Variants in MICAL1 observed in about 807,000 individuals in gnomAD.
MICAL1 encodes microtubule associated monooxygenase, calponin and LIM domain containing 1.
Under a neutral mutation model 131.8 loss-of-function variants are expected in MICAL1, and 95 were observed. The ratio of observed to expected loss-of-function variants is 0.72; its 90% confidence interval spans 0.61 to 0.86. MICAL1 has a LOEUF of 0.86. Among genes scored for constraint, MICAL1 ranks in the 40% least tolerant of loss-of-function variants. MICAL1 has a pLI of 0.00. For missense variants in MICAL1, 1,292 were observed against 1,380.6 expected, an observed-to-expected ratio of 0.94 and a Z score of 1.02; for synonymous variants, 546 against 554.2, an observed-to-expected ratio of 0.99 and a Z score of 0.21.
At chr6:109,451,455 A>G in intron 7 of MICAL1, 145 bp downstream of exon 7, 1 of 944,824 alleles carries the variant, frequency 1.1e-6, no homozygotes, top group Non-Finnish European at 1.5e-6. Context: ...TGCCTGGCCA[A>G]GAGAACTTTT....
intron 12 of MICAL1, 91 bp downstream of exon 12, chr6:109,448,641 G>A: frequency 6.5e-7 from 1 of 1,541,490 alleles, no homozygotes; most frequent in Non-Finnish European, 8.9e-7. Context: ...GTCGGCAGAT[G>A]CAGGGAAGCA....
chr6:109,448,158 C>CACCT, intron 13 of MICAL1, 45 bp downstream of exon 13: 1 of 1,585,964 alleles, frequency 6.3e-7, no homozygotes, highest in East Asian at 2.2e-5. Flanking sequence ...CACACACACA[C>CACCT]ACCTCCCCAT....
rs150428246 is a variant in MICAL1 at position 109,461,568 on chromosome 6, T to C, written c.14+4096A>G. 5.3e-3 allele frequency among the ~76,000 whole-genome samples: 810 copies of C among 152,228 alleles called. 6 individuals carry two copies. The highest frequency in any genetic ancestry group is 0.019 in the African/African-American group (769 of 41,534). The stretch of plus-strand genomic sequence containing the variant: ...CAGCCTGGGCAATATAGTGAGACCC[T>C]GTCTCCACTTAAAAAAAGAAAAAAG... On this transcript the variant is annotated intron_variant, in intron 1 of 24. Transcript: ENST00000630715.
At chr6:109,460,345 GGT>G, upstream of MICAL1, among the ~76,000 whole-genome samples, 1 of 150,646 alleles carries the variant, frequency 6.6e-6, no homozygotes, top group East Asian at 1.9e-4. Flanking sequence ...TGTGGTCCCA[GGT>G]ACTCAGGAGG....
intron 4 of MICAL1, 136 bp downstream of exon 4, chr6:109,453,127 T>C: frequency 1.5e-6 from 1 of 677,310 alleles, no homozygotes; most frequent in South Asian, 1.8e-5. Flanking sequence ...GCCACTGCAC[T>C]CCAGCCTGGG....
intron 7 of MICAL1, among the ~76,000 whole-genome samples, 167 bp downstream of exon 7, chr6:109,451,432 GC>G (rs1311891375): frequency 6.6e-6 from 1 of 152,168 alleles, no homozygotes; most frequent in East Asian, 1.9e-4. Context: ...GGGATTACAG[GC>G]ATGAGCCACC....
chr6:109,461,024 T>C (rs572182410), intron 1 of MICAL1, among the ~76,000 whole-genome samples: 55 of 152,254 alleles, frequency 3.6e-4, no homozygotes, highest in African/African-American at 1.3e-3. Flanking sequence ...GTTACATAGG[T>C]ATACATGTGC....
At position 109,446,692 on chromosome 6, in the gene MICAL1, T is replaced by C. The variant is rs1251013085; in HGVS notation, c.2304+4A>G. On this transcript the variant is annotated splice_donor_region_variant and intron_variant, in intron 18 of 24. Coordinates refer to ENST00000358807, the MANE Select transcript of MICAL1 (RefSeq NM_022765.4). ...CAATATACATACACGCCTTCAGTCT[T>C]TACCGGACTCTCAGGGCCTCTATCG... 4 of 1,613,422 alleles carry C rather than the reference T, an allele frequency of 2.5e-6. No individual in the cohort carries two copies. In the Admixed American group the frequency reaches 5.0e-5, roughly 20 times the overall value.
In MICAL1 at chr6:109,444,137, T is replaced by C. The variant is rs1440056975; in HGVS notation, c.*54A>G. The stretch of plus-strand genomic sequence containing the variant: ...GCCCAGATGAACAGGGGTGGCACTG[T>C]GCTGGGGTGAGGTGCTTTCTTTGTG... On this transcript the variant is annotated 3_prime_UTR_variant, in exon 25 of 25. Coordinates refer to ENST00000358807, the MANE Select transcript of MICAL1 (RefSeq NM_022765.4). The C allele has an allele frequency of 1.9e-6, 3 of 1,591,986 alleles. No individual in the cohort carries two copies. The highest frequency in any genetic ancestry group is 4.5e-5 in the East Asian group (2 of 44,676).
In MICAL1 at chr6:109,447,452, A is replaced by G; in HGVS notation, c.1987-12T>C. 1.9e-6 allele frequency: 3 copies of G among 1,608,852 alleles called. No individual in the cohort carries two copies. The highest frequency in any genetic ancestry group is 2.5e-6 in the Non-Finnish European group (3 of 1,177,288). ...GTCTCGGCCTCCATCTAAGGAGGTA[A>G]GTGCTCAGGCAGGGAGGGTAGAGGG... On this transcript the variant is annotated splice_polypyrimidine_tract_variant and intron_variant, in intron 15 of 24. Transcript: ENST00000358807.
chr6:109,447,005 T>A (rs888232638), intron 17 of MICAL1, 68 bp downstream of exon 17: 1 of 1,570,550 alleles, frequency 6.4e-7, no homozygotes, highest in Non-Finnish European at 8.6e-7. Context: ...CCTCTCTACC[T>A]CAAGCTCTGT....
rs888286474 is a variant in MICAL1 at position 109,452,537 on chromosome 6, G to C, written c.650C>G (p.Ala217Gly). The stretch of plus-strand genomic sequence containing the variant: ...TTCAGGGACGAATTTACCTCCTGCA[G>C]CCGAGATAAGGACGTCAAATTCATA... ...ANYEFDVLIS[A>G]AGGKFVPEGF... Residue 217 changes from alanine to glycine, a missense_variant, in exon 5 of 25, where the codon GCT becomes GGT. Coordinates refer to ENST00000358807, the MANE Select transcript of MICAL1 (RefSeq NM_022765.4). 1 of 1,614,112 alleles carries C rather than the reference G, an allele frequency of 6.2e-7. No individual in the cohort carries two copies. Among genetic ancestry groups the C allele is most frequent in the Non-Finnish European group, 8.5e-7 (1 of 1,180,014 alleles).
Position 109,453,944 on chromosome 6 carries a change from T to A in MICAL1, c.253A>T (p.Thr85Ser), listed in dbSNP as rs1775645437. The change falls in exon 2 of 25, where the codon ACC (threonine) becomes TCC (serine). Residue 85 changes from threonine (T) to serine (S), a missense_variant. Physicochemically the swap from Thr to Ser is moderately conservative, Grantham distance 58 (BLOSUM62 1). Coordinates refer to ENST00000358807, the MANE Select transcript of MICAL1 (RefSeq NM_022765.4). ...VYQQGRACTS[T>S]KCLVVGAGPC... is the part of the protein sequence containing the mutation. Reference sequence around the variant, plus strand: ...CCCAGGCACCGTGTATCCACCTTGGTGCTGGTGCAGGCCCGGCCCTGCTGG... The same window carrying A: ...CCCAGGCACCGTGTATCCACCTTGGAGCTGGTGCAGGCCCGGCCCTGCTGG... The A allele has an allele frequency of 6.2e-7, 1 of 1,613,178 alleles. No individual in the cohort carries two copies. The highest frequency in any genetic ancestry group is 8.5e-7 in the Non-Finnish European group (1 of 1,179,536).
intron 12 of MICAL1, 164 bp from the exon 13 acceptor site, chr6:109,448,557 T>A: frequency 8.0e-7 from 1 of 1,251,152 alleles, no homozygotes; most frequent in Non-Finnish European, 1.1e-6. Flanking sequence ...CCAGTGACAC[T>A]ACTCCTGGCT....
At chr6:109,465,850 G>A in exon 1 of MICAL1, 1 of 1,614,196 alleles carries the variant, frequency 6.2e-7, no homozygotes, top group Non-Finnish European at 8.5e-7. Context: ...GTGTTTACAG[G>A]TCAGCTCTGC....
rs372754241 is a variant in MICAL1 at position 109,455,387 on chromosome 6, T to C, written c.-44+332A>G. ...ATCTCATGACGGAAGGGCAAAGATC[T>C]TTCTTGGGGGTGGAGGGTGGAAGGA... On this transcript the variant is annotated intron_variant, in intron 1 of 24. Coordinates refer to ENST00000358807, the MANE Select transcript of MICAL1 (RefSeq NM_022765.4). The surrounding 1 kb of genome is among the most constrained non-coding windows in gnomAD (Gnocchi z 4.7). Among the ~76,000 whole-genome samples, 1 of 151,884 alleles carries C rather than the reference T, an allele frequency of 6.6e-6. No homozygotes were observed. Among genetic ancestry groups the C allele is most frequent in the East Asian group, 1.9e-4 (1 of 5,148 alleles).
chr6:109,461,876 C>T (rs912360413), intron 1 of MICAL1, among the ~76,000 whole-genome samples: 2 of 152,136 alleles, frequency 1.3e-5, no homozygotes, highest in African/African-American at 4.8e-5. Context: ...TACTGTATGA[C>T]ATTTGGCAAC....
chr6:109,459,505 T>C (rs1367562978), upstream of MICAL1, among the ~76,000 whole-genome samples: 1 of 152,200 alleles, frequency 6.6e-6, no homozygotes, highest in Non-Finnish European at 1.5e-5. Context: ...CACCCAGCTT[T>C]GTCTCTTGGC....
At chr6:109,464,591 A>G (rs1341733767) in intron 1 of MICAL1, 1 of 152,234 alleles carries the variant, frequency 6.6e-6, no homozygotes, top group Non-Finnish European at 1.5e-5. Context: ...TTTAAAAATC[A>G]TACAATTACA....
Sources: allele counts gnomAD v4.1 joint callset (sites outside exome capture counted in the v4.1 genomes callset), GRCh38; gene constraint gnomAD v4.1.1; non-coding constraint Gnocchi (gnomAD v3.1); transcripts MANE v1.5; gene names NCBI Gene and HGNC (gene_info 2026-07-23, HGNC 2026-07-21).